CC2D1B: variants seen among roughly 807,000 people sequenced by gnomAD.
CC2D1B encodes coiled-coil and C2 domain containing 1B.
Under a neutral mutation model 110.8 loss-of-function variants are expected in CC2D1B, and 92 were observed. The observed-to-expected ratio is 0.83, with a 90% CI of 0.70 to 0.99. CC2D1B has a LOEUF of 0.99. Among genes scored for constraint, CC2D1B ranks in the 50% least tolerant of loss-of-function variants. The pLI is 0.00. For synonymous variants in CC2D1B, 406 were observed against 429.2 expected, an observed-to-expected ratio of 0.95 and a Z score of 0.67; for missense variants, 1,136 against 1,089.0, an observed-to-expected ratio of 1.04 and a Z score of -0.61.
At chr1:52,354,464 G>T in intron 23 of CC2D1B, 144 bp downstream of exon 23, 1 of 789,244 alleles carries the variant, frequency 1.3e-6, no homozygotes, top group East Asian at 2.5e-5. Flanking sequence ...TCTGTGAAAT[G>T]AGGATTCCAC....
chr1:52,365,548 C>T (rs1276228932), intron 1 of CC2D1B, among the ~76,000 whole-genome samples: 1 of 152,236 alleles, frequency 6.6e-6, no homozygotes, highest in Non-Finnish European at 1.5e-5. Flanking sequence ...GGCCTGAATG[C>T]ACAAGCCGAG....
chr1:52,357,898 C>T lies in CC2D1B; in HGVS notation c.1462G>A (p.Gly488Ser). 1.3e-6 allele frequency: 2 copies of T among 1,546,458 alleles called. No homozygotes were observed. Among genetic ancestry groups the T allele is most frequent in the Non-Finnish European group, 1.7e-6 (2 of 1,152,854 alleles). Residue 488 changes from glycine to serine, a missense_variant and splice_region_variant, in exon 14 of 25, where the codon GGT (glycine) becomes AGT (serine). Coordinates refer to ENST00000284376, the MANE Select transcript of CC2D1B (RefSeq NM_001330585.2). The stretch of plus-strand genomic sequence containing the variant: ...ACTGGGGCCTGTGCTGGGGGCTCAC[C>T]CTGCAGGTGCCCAGGAGGCTGTTAG... ...SAPADKDEDE[G>S]EPPAQAPVAK...
In CC2D1B at chr1:52,352,207, A is replaced by G. The variant is rs1306561935; in HGVS notation, c.*1018T>C. 6.6e-6 allele frequency: 1 copy of G among 152,204 alleles called. No homozygotes were observed. Among genetic ancestry groups the G allele is most frequent in the Non-Finnish European group, 1.5e-5 (1 of 68,030 alleles). 9.4% of individuals were successfully genotyped at this position (152,204 alleles called of 1,614,324 possible). ...ATGGGGTATTTCTAAGAAATGCAGAATATTTCAGTTTTGAATATTAAATCT... is the reference window on the plus strand; with the variant it reads ...ATGGGGTATTTCTAAGAAATGCAGAGTATTTCAGTTTTGAATATTAAATCT... On this transcript the variant is annotated 3_prime_UTR_variant, in exon 25 of 25. Transcript: ENST00000284376.
rs755869037 is a variant in CC2D1B, at chr1:52,353,512, G to A, written c.*1+6C>T. 1 of 1,609,156 alleles carries A rather than the reference G, an allele frequency of 6.2e-7. No homozygotes were observed. Among genetic ancestry groups the A allele is most frequent in the South Asian group, 1.1e-5 (1 of 90,648 alleles). On this transcript the variant is annotated splice_donor_region_variant and intron_variant, in intron 24 of 24. Transcript: ENST00000284376. ...AAAGGTTCTGAAGGCCCAGAGAGCT[G>A]CCCACCTCACAAGCCCCTGGGCTCC...
At chr1:52,360,770 G>A in intron 5 of CC2D1B, 1 of 893,340 alleles carries the variant, frequency 1.1e-6, no homozygotes, top group Non-Finnish European at 1.7e-6. Context: ...ATGGCTCCCG[G>A]GGGGTAGTCT....
At chr1:52,353,467 GT>G in intron 24 of CC2D1B, 50 bp downstream of exon 24, 1 of 1,566,480 alleles carries the variant, frequency 6.4e-7, no homozygotes, top group Admixed American at 2.0e-5. Flanking sequence ...TGAGTAGTTA[GT>G]TGAGTAAAAG....
chr1:52,360,335 G>A (rs1646751914), intron 6 of CC2D1B, 89 bp downstream of exon 6: 7 of 1,594,198 alleles, frequency 4.4e-6, no homozygotes, highest in Admixed American at 3.4e-5. Flanking sequence ...AGTCTGGTGG[G>A]GTGACCTCCC....
rs979322503 is a variant in CC2D1B, at chr1:52,359,141, T to G, written c.1143A>C (p.Ser381=). 8.7e-6 allele frequency: 14 copies of G among 1,611,166 alleles called. No homozygotes were observed. The Admixed American group carries it at 2.3e-4, about 27-fold the overall frequency. The part of the protein sequence containing the change: ...VPATPVAPTE[S]QTVLDALQQR... Reference sequence around the variant, plus strand: ...GCTGCAGGGCATCCAGCACTGTCTGTGACTCTGTAGGGGCCACTTGAAGGA... The same window carrying G: ...GCTGCAGGGCATCCAGCACTGTCTGGGACTCTGTAGGGGCCACTTGAAGGA... The change falls in exon 11 of 25, where the codon TCA becomes TCC. Residue 381 remains serine, a synonymous_variant. Transcript: ENST00000284376.
chr1:52,357,061 G>C lies in CC2D1B; in HGVS notation c.1818C>G (p.Leu606=), dbSNP rs565673707. 8 of 1,608,242 alleles carry C rather than the reference G, an allele frequency of 5.0e-6. No homozygotes were observed. The African/African-American group carries it at 1.1e-4, about 21-fold the overall frequency. The change falls in exon 16 of 25, where the codon CTC becomes CTG. Residue 606 remains leucine, a synonymous_variant. Coordinates refer to ENST00000284376, the MANE Select transcript of CC2D1B (RefSeq NM_001330585.2). Reference sequence around the variant, plus strand: ...CATACACCTCCTCCGCCTTCTGGGAGAGTCGCAGGTCCTCATGGTGGATGA... The same window carrying C: ...CATACACCTCCTCCGCCTTCTGGGACAGTCGCAGGTCCTCATGGTGGATGA... ...FILIHHEDLR[L]SQKAEEVYAQ...
intron 10 of CC2D1B, 43 bp from the exon 11 acceptor site, chr1:52,359,200 C>T (rs372566199): frequency 4.9e-4 from 785 of 1,609,942 alleles, no homozygotes; most frequent in Non-Finnish European, 6.5e-4. Flanking sequence ...GTCAGCCTGC[C>T]CTCCAATGCC....
In CC2D1B at chr1:52,359,441, G is replaced by C. The variant is rs753480794; in HGVS notation, c.1018+18C>G. ...CTCCTCCCCAACCCCACCGCAGCCTGAGAAGATACATACTGACCCTCAGGT... is the reference window on the plus strand; with the variant it reads ...CTCCTCCCCAACCCCACCGCAGCCTCAGAAGATACATACTGACCCTCAGGT... On this transcript the variant is annotated intron_variant, in intron 9 of 24. Transcript: ENST00000284376. The C allele has an allele frequency of 6.2e-7, 1 of 1,613,876 alleles. No homozygotes were observed. The highest frequency in any genetic ancestry group is 1.3e-5 in the African/African-American group (1 of 74,940).
At chr1:52,360,875 A>G in intron 5 of CC2D1B, 99 bp downstream of exon 5, 1 of 1,442,170 alleles carries the variant, frequency 6.9e-7, no homozygotes, top group Non-Finnish European at 9.6e-7. Context: ...GGTCCTGGAA[A>G]GGGTGACTGC....
chr1:52,365,795 C>A (rs547057005), intron 1 of CC2D1B, among the ~76,000 whole-genome samples: 74 of 152,260 alleles, frequency 4.9e-4, no homozygotes, highest in African/African-American at 1.6e-3. Context: ...GGGGAGCGGG[C>A]GGAGGAGCTG....
At chr1:52,365,161 G>T (rs1397314306) in intron 1 of CC2D1B, among the ~76,000 whole-genome samples, 1 of 152,210 alleles carries the variant, frequency 6.6e-6, no homozygotes, top group Non-Finnish European at 1.5e-5. Flanking sequence ...GAGAAAGCTG[G>T]CTCAGCATTC....
In CC2D1B at chr1:52,359,377, G is replaced by A. The variant is rs770098603; in HGVS notation, c.1019-20C>T. ...TCAGATCTGGGGGACCCAGAGTAGA[G>A]GTGTAGGTGGGAGGGCCTGGCCAGC... On this transcript the variant is annotated intron_variant, in intron 9 of 24. Coordinates refer to ENST00000284376, the MANE Select transcript of CC2D1B (RefSeq NM_001330585.2). The A allele has an allele frequency of 2.5e-6, 4 of 1,613,090 alleles. No homozygotes were observed. In the East Asian group the frequency reaches 6.7e-5, roughly 27 times the overall value.
At chr1:52,353,490 G>A (rs1331628441) in intron 24 of CC2D1B, 28 bp downstream of exon 24, 3 of 1,588,510 alleles carry the variant, frequency 1.9e-6, no homozygotes, top group Non-Finnish European at 2.6e-6. Context: ...AGGGGGCAAA[G>A]GTTCTGAAGG....
rs748178136 is a variant in CC2D1B at position 52,353,534 on chromosome 1, C to T, written c.2544G>A (p.Glu848=). The part of the protein sequence containing the change: ...QMVTENWLVL[E]PRGL ...GCTGCCCACCTCACAAGCCCCTGGG[C>T]TCCAGAACCAGCCAGTTCTCAGTGA... Residue 848 remains glutamate, a synonymous_variant, in exon 24 of 25, where the codon GAG becomes GAA. Coordinates refer to ENST00000284376, the MANE Select transcript of CC2D1B (RefSeq NM_001330585.2). 13 of 1,613,426 alleles carry T rather than the reference C, an allele frequency of 8.1e-6. No homozygotes were observed. The highest frequency in any genetic ancestry group is 5.0e-5 in the Admixed American group (3 of 59,858).
chr1:52,364,701 G>T (rs1018147358), intron 1 of CC2D1B, 67 bp from the exon 2 acceptor site: 4 of 1,008,178 alleles, frequency 4.0e-6, no homozygotes, highest in East Asian at 2.5e-5. Flanking sequence ...AGTGCTACCC[G>T]TGGTAAGGTG....
intron 16 of CC2D1B, 24 bp from the exon 17 acceptor site, chr1:52,356,466 C>T: frequency 6.2e-7 from 1 of 1,613,992 alleles, no homozygotes; most frequent in Non-Finnish European, 8.5e-7. Context: ...CCCAGAGTGA[C>T]TCCCGAGCCC....
Sources: gnomAD v4.1 joint callset for allele counts (sites outside exome capture counted in the v4.1 genomes callset) on GRCh38, gnomAD v4.1.1 for gene constraint, MANE v1.5 for transcripts, NCBI Gene and HGNC (gene_info 2026-07-23, HGNC 2026-07-21) for gene names.